ANKRD44: variants seen among roughly 807,000 people sequenced by gnomAD.
ANKRD44 encodes ankyrin repeat domain 44.
ANKRD44 carries 35 observed loss-of-function variants against 116.0 expected under a neutral mutation model. That is an observed-to-expected ratio of 0.30 (90% CI 0.23 to 0.40). ANKRD44 has a LOEUF of 0.40. ANKRD44 is among the 10% of genes least tolerant of loss of function. The probability of loss-of-function intolerance (pLI) is 1.00; values close to 1 mark genes in which losing one functional copy is unlikely to be tolerated. For missense variants in ANKRD44, 1,014 were observed against 1,242.6 expected, an observed-to-expected ratio of 0.82 and a Z score of 2.77; for synonymous variants, 435 against 461.8, an observed-to-expected ratio of 0.94 and a Z score of 0.74.
chr2:197,037,014 G>A (rs1449177175), intron 16 of ANKRD44, among the ~76,000 whole-genome samples: 1 of 152,072 alleles, frequency 6.6e-6, no homozygotes, highest in Admixed American at 6.6e-5. Flanking sequence ...ATTGGGAAAG[G>A]ATTATGTCAT....
chr2:197,277,145 T>A (rs2083114503), intron 1 of ANKRD44, among the ~76,000 whole-genome samples: 1 of 151,868 alleles, frequency 6.6e-6, no homozygotes, highest in African/African-American at 2.4e-5. Context: ...GCCAGGATGG[T>A]CTCAATCTCC....
intron 10 of ANKRD44, among the ~76,000 whole-genome samples, 163 bp from the exon 11 acceptor site, chr2:197,090,195 A>G (rs2078011162): frequency 6.6e-6 from 1 of 152,242 alleles, no homozygotes; most frequent in Non-Finnish European, 1.5e-5. Flanking sequence ...ATAATTATGC[A>G]ATCAGTTTCT....
chr2:197,207,770 A>T (rs1291887206), intron 1 of ANKRD44, among the ~76,000 whole-genome samples: 1 of 152,166 alleles, frequency 6.6e-6, no homozygotes, highest in African/African-American at 2.4e-5. Flanking sequence ...AAAAAAGGAA[A>T]TCATGCCCCA....
chr2:196,971,106 A>G (rs1162652623), intron 21 of ANKRD44, among the ~76,000 whole-genome samples: 2 of 152,152 alleles, frequency 1.3e-5, no homozygotes, highest in East Asian at 1.9e-4. Context: ...TCTACATTTT[A>G]TATTTTCACT....
At position 197,110,779 on chromosome 2, in the gene ANKRD44, G is replaced by A; in HGVS notation, c.972C>T (p.Thr324=). Residue 324 remains threonine, a synonymous_variant, in exon 9 of 28, where the codon ACC becomes ACT. Coordinates refer to ENST00000282272, the MANE Select transcript of ANKRD44 (RefSeq NM_001195144.2). ...CATCTCTCTTACCATTCTGAATGAGGGTCTGTGACCGTGTGAACCTTCCAT... is the reference window on the plus strand; with the variant it reads ...CATCTCTCTTACCATTCTGAATGAGAGTCTGTGACCGTGTGAACCTTCCAT... ...AVHGRFTRSQ[T]LIQNGGEIDC... is the part of the protein sequence containing the mutation. The A allele has an allele frequency of 1.9e-6, 3 of 1,613,292 alleles. No individual in the cohort carries two copies. Among genetic ancestry groups the A allele is most frequent in the Non-Finnish European group, 2.5e-6 (3 of 1,179,382 alleles).
At chr2:197,248,805 C>T (rs1678709690) in intron 1 of ANKRD44, among the ~76,000 whole-genome samples, 1 of 151,842 alleles carries the variant, frequency 6.6e-6, no homozygotes, top group African/African-American at 2.4e-5. Context: ...GTCCATGTGG[C>T]AGGAGATACT....
intron 8 of ANKRD44, among the ~76,000 whole-genome samples, chr2:197,118,358 T>C (rs2078761607): frequency 1.3e-5 from 2 of 151,122 alleles, no homozygotes; most frequent in Admixed American, 1.3e-4. Context: ...GAGGCTGAGG[T>C]GGGTGGATTG....
At chr2:197,252,702 T>C (rs1416729605) in intron 1 of ANKRD44, among the ~76,000 whole-genome samples, 2 of 152,210 alleles carry the variant, frequency 1.3e-5, no homozygotes, top group Non-Finnish European at 2.9e-5. Flanking sequence ...TTTTTAAATA[T>C]TCCCCCAAGT....
intron 26 of ANKRD44, among the ~76,000 whole-genome samples, chr2:196,994,089 GT>G (rs2075968609): frequency 6.6e-6 from 1 of 152,126 alleles, no homozygotes; most frequent in Admixed American, 6.5e-5. Context: ...AAACTTCCTT[GT>G]TACTACTAAA....
At chr2:197,125,642 G>C (rs1385828600) in intron 5 of ANKRD44, among the ~76,000 whole-genome samples, 174 bp from the exon 6 acceptor site, 5 of 152,248 alleles carry the variant, frequency 3.3e-5, no homozygotes, top group African/African-American at 1.2e-4. Context: ...ATGTGTGTCA[G>C]AGGAAAAGAC....
rs978282143 is a variant in ANKRD44 at position 197,225,494 on chromosome 2, C to T, written c.28-38388G>A. Among the ~76,000 whole-genome samples, 3 of 152,140 alleles carry T rather than the reference C, an allele frequency of 2.0e-5. No individual in the cohort carries two copies. The South Asian group carries it at 6.2e-4, about 31-fold the overall frequency. ...AAGTAGCTGGGATTACAGGTTCCAA[C>T]CACCACACCCAGCTAATTTTTGTAT... On this transcript the variant is annotated intron_variant, in intron 1 of 27. Coordinates refer to ENST00000282272, the MANE Select transcript of ANKRD44 (RefSeq NM_001195144.2).
Position 197,191,879 on chromosome 2 carries a change from A to G in ANKRD44, c.28-4773T>C, listed in dbSNP as rs187089315. 2.8e-3 allele frequency among the ~76,000 whole-genome samples: 420 copies of G among 152,338 alleles called. 2 individuals are homozygous for G. Among genetic ancestry groups the G allele is most frequent in the Non-Finnish European group, 4.7e-3 (322 of 68,026 alleles). On this transcript the variant is annotated intron_variant, in intron 1 of 27. Coordinates refer to ENST00000282272, the MANE Select transcript of ANKRD44 (RefSeq NM_001195144.2). ...GAGGATCCAGGTTTTAGAAATAAGA[A>G]TAAAACTATCTAAAACCTACGTGCT...
At chr2:197,278,503 C>T (rs558898564) in intron 1 of ANKRD44, among the ~76,000 whole-genome samples, 30 of 152,158 alleles carry the variant, frequency 2.0e-4, no homozygotes, top group Middle Eastern at 6.8e-3. Flanking sequence ...ACTACAGGCA[C>T]GCACCACCAC....
intron 3 of ANKRD44, among the ~76,000 whole-genome samples, chr2:197,139,468 C>T (rs1011177379): frequency 2.6e-5 from 4 of 151,976 alleles, no homozygotes; most frequent in African/African-American, 9.7e-5. Flanking sequence ...TTTATGGATG[C>T]ATAGATATAA....
At chr2:197,291,054 C>A (rs2083555535) in intron 1 of ANKRD44, among the ~76,000 whole-genome samples, 1 of 151,910 alleles carries the variant, frequency 6.6e-6, no homozygotes, top group African/African-American at 2.4e-5. Flanking sequence ...ACAAAAAAAA[C>A]AAAGATTTGC....
At chr2:197,068,392 A>AG (rs1553500794) in intron 16 of ANKRD44, among the ~76,000 whole-genome samples, 1 of 67,874 alleles carries the variant, frequency 1.5e-5, no homozygotes, top group East Asian at 7.8e-4. Flanking sequence ...AAAAATAAAA[A>AG]AAAAATAAAA....
At chr2:197,090,557 A>G (rs1180025186) in intron 10 of ANKRD44, among the ~76,000 whole-genome samples, 4 of 148,346 alleles carry the variant, frequency 2.7e-5, no homozygotes, top group African/African-American at 1.0e-4. Context: ...AGTGGTGCTG[A>G]TACAATGATA....
At chr2:197,186,070 G>A (rs2080650189) in intron 2 of ANKRD44, among the ~76,000 whole-genome samples, 1 of 152,150 alleles carries the variant, frequency 6.6e-6, no homozygotes, top group South Asian at 2.1e-4. Context: ...TCATTTTCAT[G>A]TGTCACAAAA....
chr2:197,101,256 C>A (rs1401750375), intron 9 of ANKRD44, among the ~76,000 whole-genome samples: 2 of 151,524 alleles, frequency 1.3e-5, no homozygotes, highest in African/African-American at 2.4e-5. Flanking sequence ...TTTCTCATGT[C>A]GTTGATATTA....
Sources: gnomAD v4.1 joint callset for allele counts (sites outside exome capture counted in the v4.1 genomes callset) on GRCh38, gnomAD v4.1.1 for gene constraint, MANE v1.5 for transcripts, NCBI Gene and HGNC (gene_info 2026-07-23, HGNC 2026-07-21) for gene names.